Variants in PSTPIP2 observed in about 807,000 individuals in gnomAD.
The protein encoded by PSTPIP2 is proline-serine-threonine phosphatase-interacting protein 2.
Under a neutral mutation model 63.3 loss-of-function variants are expected in PSTPIP2, and 33 were observed. That is an observed-to-expected ratio of 0.52 (90% confidence interval 0.40 to 0.70). PSTPIP2 has a LOEUF of 0.70. PSTPIP2 is among the 30% of genes least tolerant of loss of function. The pLI, the probability that PSTPIP2 is intolerant of heterozygous loss-of-function variation, is 0.00. For synonymous variants in PSTPIP2, 125 were observed against 132.7 expected (o/e 0.94, Z 0.40); for missense variants, 312 against 400.7 (o/e 0.78, Z 1.89).
chr18:46,050,866 CTTT>C (rs556150321), intron 1 of PSTPIP2, among the ~76,000 whole-genome samples: 1 of 142,810 alleles, frequency 7.0e-6, no homozygotes, highest in African/African-American at 2.5e-5. Context: ...TGTGTGCATT[CTTT>C]TTTTTTTTTT....
At chr18:46,017,706 G>A (rs1404363932) in intron 3 of PSTPIP2, among the ~76,000 whole-genome samples, 1 of 151,836 alleles carries the variant, frequency 6.6e-6, no homozygotes, top group African/African-American at 2.4e-5. Context: ...TGTACTTTGT[G>A]GAATGGTTCA....
intron 5 of PSTPIP2, 46 bp downstream of exon 5, chr18:46,011,135 T>G: frequency 6.6e-7 from 1 of 1,504,166 alleles, no homozygotes; most frequent in Non-Finnish European, 9.3e-7. Flanking sequence ...GCCTGCGGTT[T>G]TCTATAGGAG....
chr18:45,985,631 A>G (rs567636816), intron 14 of PSTPIP2, among the ~76,000 whole-genome samples, 181 bp from the exon 15 acceptor site: 4 of 152,348 alleles, frequency 2.6e-5, no homozygotes, highest in East Asian at 1.9e-4. Context: ...TTTATGGTAA[A>G]TAATACATAC....
chr18:45,992,917 G>T (rs946788853), intron 10 of PSTPIP2, among the ~76,000 whole-genome samples: 69 of 152,054 alleles, frequency 4.5e-4, no homozygotes, highest in African/African-American at 1.6e-3. Context: ...GTAGAGACGG[G>T]GTTTCACCAT....
chr18:46,006,359 A>C lies in PSTPIP2; in HGVS notation c.355-828T>G, dbSNP rs3017378. ...ATGAGCCACCATGCCCAGCCCTGGTACTTTTTTTTTTTTTTTTTTTTTTTT... is the reference window on the plus strand; with the variant it reads ...ATGAGCCACCATGCCCAGCCCTGGTCCTTTTTTTTTTTTTTTTTTTTTTTT... On this transcript the variant is annotated intron_variant, in intron 5 of 14. Transcript: ENST00000409746. Among the ~76,000 whole-genome samples the C allele has an allele frequency of 7.8e-3, 296 of 38,124 alleles. 7 individuals are homozygous for C. The highest frequency in any genetic ancestry group is 0.027 in the African/African-American group (289 of 10,818). 25.0% of individuals were successfully genotyped at this position (38,124 alleles called of 152,430 possible). A position where few individuals can be genotyped will look rare whatever the true frequency, so the allele number is the denominator to read the frequency against.
At chr18:46,040,361 A>T (rs1908148266) in intron 1 of PSTPIP2, 1 of 241,324 alleles carries the variant, frequency 4.1e-6, no homozygotes, top group Admixed American at 5.0e-5. Context: ...TTGGTTCCCT[A>T]TAGAAACAAA....
intron 3 of PSTPIP2, among the ~76,000 whole-genome samples, chr18:46,019,340 CTATT>C (rs1246545424): frequency 1.3e-5 from 2 of 152,174 alleles, no homozygotes; most frequent in Admixed American, 6.5e-5. Context: ...TTTTCCCACT[CTATT>C]TATCTCAAAA....
At chr18:46,023,441 C>T (rs1907449430) in intron 3 of PSTPIP2, among the ~76,000 whole-genome samples, 1 of 151,990 alleles carries the variant, frequency 6.6e-6, no homozygotes, top group African/African-American at 2.4e-5. Flanking sequence ...TGCCTGTAAT[C>T]CCAGCTACTT....
intron 9 of PSTPIP2, among the ~76,000 whole-genome samples, chr18:45,994,478 G>C (rs991588556): frequency 6.6e-6 from 1 of 152,166 alleles, no homozygotes; most frequent in African/African-American, 2.4e-5. Flanking sequence ...GAATCACTTG[G>C]AAGGTTTATT....
intron 1 of PSTPIP2, among the ~76,000 whole-genome samples, chr18:46,058,549 C>T (rs757820950): frequency 2.0e-5 from 3 of 151,974 alleles, no homozygotes; most frequent in East Asian, 3.9e-4. Flanking sequence ...GTAGTAGAGA[C>T]GGGGTTTCAC....
intron 1 of PSTPIP2, among the ~76,000 whole-genome samples, chr18:46,059,100 G>A (rs139998507): frequency 0.017 from 2,494 of 150,882 alleles, 54 homozygotes; most frequent in African/African-American, 0.046. Flanking sequence ...GCAATGGTGC[G>A]ATCTTGGCTC....
intron 1 of PSTPIP2, among the ~76,000 whole-genome samples, chr18:46,051,595 A>G (rs1908584687): frequency 6.6e-6 from 1 of 152,238 alleles, no homozygotes; most frequent in South Asian, 2.1e-4. Flanking sequence ...AAGGCATAAG[A>G]GTCAGTAGAT....
At chr18:46,038,415 C>T (rs1007509041) in intron 2 of PSTPIP2, among the ~76,000 whole-genome samples, 6 of 152,132 alleles carry the variant, frequency 3.9e-5, no homozygotes, top group African/African-American at 9.7e-5. Context: ...GGTCCTGAGC[C>T]GACAGACACT....
chr18:46,025,858 G>A (rs1467228011), intron 2 of PSTPIP2, among the ~76,000 whole-genome samples: 1 of 152,118 alleles, frequency 6.6e-6, no homozygotes, highest in Non-Finnish European at 1.5e-5. Context: ...GGGTTCAAGC[G>A]ATTCTCCTGC....
rs543804079 is a variant in PSTPIP2, at chr18:46,028,974, T to A, written c.135-4288A>T. On this transcript the variant is annotated intron_variant, in intron 2 of 14. Coordinates refer to ENST00000409746, the MANE Select transcript of PSTPIP2 (RefSeq NM_024430.4). ...GTCCTTCTGCTGCTCAGATCTCATCTGTGCAGTTCCGTCCTTGTGCACAGA... is the reference window on the plus strand; with the variant it reads ...GTCCTTCTGCTGCTCAGATCTCATCAGTGCAGTTCCGTCCTTGTGCACAGA... The A allele has an allele frequency of 6.9e-5, 71 of 1,022,656 alleles. No homozygotes were observed. In the South Asian group the frequency reaches 8.3e-4, roughly 12 times the overall value. 63.3% of individuals were successfully genotyped at this position (1,022,656 alleles called of 1,614,324 possible). A position where few individuals can be genotyped will look rare whatever the true frequency, so the allele number is the denominator to read the frequency against.
rs749693553 is a variant in PSTPIP2, at chr18:46,009,362, T to TAAAAAAA, written c.354+1812_354+1818dup. Among the ~76,000 whole-genome samples, 35 of 46,846 alleles carry TAAAAAAA rather than the reference T, an allele frequency of 7.5e-4. 3 individuals carry two copies. Among genetic ancestry groups the TAAAAAAA allele is most frequent in the African/African-American group, 3.3e-3 (33 of 10,020 alleles). The allele number at this position is 46,846 out of a possible 152,430, so 30.7% of individuals were successfully genotyped here. On this transcript the variant is annotated intron_variant, in intron 5 of 14. Transcript: ENST00000409746. ...CATTTTCTTCCAAAGTTTTATGGTG[T>TAAAAAAA]AAAAAAAAAAAAAAAAAAAAAAAAA...
intron 5 of PSTPIP2, among the ~76,000 whole-genome samples, chr18:46,007,402 C>T (rs975213840): frequency 3.3e-5 from 5 of 152,332 alleles, no homozygotes; most frequent in Non-Finnish European, 7.3e-5. Flanking sequence ...GCAGCAGAGA[C>T]ATAGAGAATA....
At chr18:46,004,017 C>T (rs372714503) in intron 6 of PSTPIP2, among the ~76,000 whole-genome samples, 3 of 151,864 alleles carry the variant, frequency 2.0e-5, no homozygotes, top group East Asian at 3.9e-4. Flanking sequence ...CCACCTGCCT[C>T]GGCCTCCCGA....
chr18:46,033,665 T>A (rs1393023861), intron 2 of PSTPIP2, among the ~76,000 whole-genome samples: 1 of 139,258 alleles, frequency 7.2e-6, no homozygotes, highest in Non-Finnish European at 1.5e-5. Flanking sequence ...GCCACTGAAC[T>A]CCAGCCTGGG....
Sources: gnomAD v4.1 joint callset for allele counts (sites outside exome capture counted in the v4.1 genomes callset) on GRCh38, gnomAD v4.1.1 for gene constraint, MANE v1.5 for transcripts, NCBI Gene and HGNC (gene_info 2026-07-23, HGNC 2026-07-21) for gene names.